Variants in PLCH1 observed in about 807,000 individuals in gnomAD.
PLCH1 encodes phospholipase C eta 1.
Under a neutral mutation model 126.7 loss-of-function variants are expected in PLCH1, and 60 were observed. That is an observed-to-expected ratio of 0.47 (90% CI 0.38 to 0.59). The LOEUF is 0.59. Among genes scored for constraint, PLCH1 ranks in the 20% least tolerant of loss-of-function variants. PLCH1 has a pLI of 0.00. For missense variants in PLCH1, 1,723 were observed against 2,040.0 expected (o/e 0.84, Z 2.99); for synonymous variants, 719 against 734.9 (o/e 0.98, Z 0.35).
At chr3:155,694,721 A>G (rs749438994) in intron 2 of PLCH1, among the ~76,000 whole-genome samples, 2 of 152,160 alleles carry the variant, frequency 1.3e-5, no homozygotes, top group Non-Finnish European at 2.9e-5. Flanking sequence ...CTACCCAGAG[A>G]GGTGTTTACT....
chr3:155,583,344 T>G, intron 6 of PLCH1, 128 bp downstream of exon 6: 1 of 688,712 alleles, frequency 1.5e-6, no homozygotes, highest in African/African-American at 1.9e-5. Context: ...ATAGATAAGA[T>G]TTTTGTGAAC....
At chr3:155,733,368 A>T (rs1748913118) in intron 1 of PLCH1, among the ~76,000 whole-genome samples, 1 of 152,210 alleles carries the variant, frequency 6.6e-6, no homozygotes, top group African/African-American at 2.4e-5. Flanking sequence ...GCATAAAAAC[A>T]GACACAGAGA....
At position 155,580,187 on chromosome 3, in the gene PLCH1, C is replaced by A. The variant is rs568497790; in HGVS notation, c.771+3285G>T. 2.0e-5 allele frequency among the ~76,000 whole-genome samples: 3 copies of A among 152,168 alleles called. No homozygotes were observed. In the East Asian group the frequency reaches 5.8e-4, roughly 29 times the overall value. On this transcript the variant is annotated intron_variant, in intron 6 of 22. Transcript: ENST00000460012. Reference sequence around the variant, plus strand: ...CTGTTTTGTTAATTATAAACTGAAACAAATCTTTTATATAGCATTATGGAG... The same window carrying A: ...CTGTTTTGTTAATTATAAACTGAAAAAAATCTTTTATATAGCATTATGGAG...
chr3:155,473,106 G>C (rs1479355886), intron 21 of PLCH1, among the ~76,000 whole-genome samples: 2 of 145,636 alleles, frequency 1.4e-5, no homozygotes, highest in South Asian at 4.7e-4. Context: ...AGGAAATAAA[G>C]GGTATTCAAT....
intron 2 of PLCH1, among the ~76,000 whole-genome samples, chr3:155,674,677 G>A (rs1270572578): frequency 6.6e-6 from 1 of 151,954 alleles, no homozygotes; most frequent in Non-Finnish European, 1.5e-5. Context: ...AAAAATCTCT[G>A]GTAAGACATC....
At chr3:155,656,524 T>G (rs1381228568) in intron 2 of PLCH1, among the ~76,000 whole-genome samples, 3 of 152,206 alleles carry the variant, frequency 2.0e-5, no homozygotes, top group Non-Finnish European at 4.4e-5. Context: ...ATTCACCATT[T>G]CACCAGATAT....
intron 21 of PLCH1, among the ~76,000 whole-genome samples, chr3:155,454,150 T>C (rs373264650): frequency 2.0e-5 from 3 of 152,304 alleles, no homozygotes; most frequent in East Asian, 3.9e-4. Flanking sequence ...ATAATCTTCA[T>C]GTTATTGAGC....
rs1339569480 is a variant in PLCH1 at position 155,492,811 on chromosome 3, G to A, written c.2225C>T (p.Pro742Leu). ...PFSGDPLPANPKKQLILKVIS... is the reference protein window; with the variant it reads ...PFSGDPLPANLKKQLILKVIS... ...AACTTTCAGGATGAGCTGCTTTTTG[G>A]GGTTGGCAGGAAGAGGGTCACCAGA... Residue 742 changes from proline (P) to leucine (L), a missense_variant, in exon 18 of 23, where the codon CCC (proline) becomes CTC (leucine). Coordinates refer to ENST00000460012, the MANE Select transcript of PLCH1 (RefSeq NM_014996.4). The A allele has an allele frequency of 6.2e-7, 1 of 1,604,552 alleles. No homozygotes were observed. The highest frequency in any genetic ancestry group is 8.5e-7 in the Non-Finnish European group (1 of 1,175,980).
rs558643885 is a variant in PLCH1, at chr3:155,734,896, T to A, written c.-41+9944A>T. Among the ~76,000 whole-genome samples the A allele has an allele frequency of 7.9e-5, 12 of 152,048 alleles. No homozygotes were observed. The South Asian group carries it at 8.3e-4, about 11-fold the overall frequency. On this transcript the variant is annotated intron_variant, in intron 1 of 22. Transcript: ENST00000460012. ...GCTAATTTTTTTGTATTTTTAGTAG[T>A]GACGGGGTTTCACCATATTAGCCAG...
At chr3:155,542,151 C>A (rs1327646578) in intron 10 of PLCH1, among the ~76,000 whole-genome samples, 1 of 152,286 alleles carries the variant, frequency 6.6e-6, no homozygotes, top group East Asian at 1.9e-4. Context: ...GGGTGACAGA[C>A]GGCACCTGGA....
At chr3:155,743,360 CG>C (rs1176592501) in intron 1 of PLCH1, 1 of 389,662 alleles carries the variant, frequency 2.6e-6, no homozygotes, top group Non-Finnish European at 5.0e-6. Context: ...GGTGAAACCC[CG>C]TCTCTACTAA....
intron 2 of PLCH1, among the ~76,000 whole-genome samples, chr3:155,615,086 A>C (rs960805949): frequency 1.3e-5 from 2 of 152,198 alleles, no homozygotes; most frequent in African/African-American, 4.8e-5. Context: ...ACAAATCAGC[A>C]AGAAAAAAAC....
At chr3:155,692,212 C>T (rs1414725710) in intron 2 of PLCH1, among the ~76,000 whole-genome samples, 1 of 152,120 alleles carries the variant, frequency 6.6e-6, no homozygotes, top group East Asian at 1.9e-4. Flanking sequence ...ATATGAAGGT[C>T]AGCATATCAC....
At chr3:155,470,608 C>A (rs574214379) in intron 21 of PLCH1, among the ~76,000 whole-genome samples, 1 of 152,174 alleles carries the variant, frequency 6.6e-6, no homozygotes, top group South Asian at 2.1e-4. Context: ...AAGAGCAACT[C>A]CAAGACACAT....
chr3:155,729,836 A>G (rs1748625411), intron 1 of PLCH1, among the ~76,000 whole-genome samples: 1 of 151,394 alleles, frequency 6.6e-6, no homozygotes, highest in Non-Finnish European at 1.5e-5. Context: ...GAGTGGGAGG[A>G]TCACTTGAGC....
At chr3:155,469,119 G>A (rs560938445) in intron 21 of PLCH1, among the ~76,000 whole-genome samples, 1 of 152,192 alleles carries the variant, frequency 6.6e-6, no homozygotes, top group Non-Finnish European at 1.5e-5. Flanking sequence ...CTCCCAACGT[G>A]AGCGACGCAG....
At chr3:155,615,679 C>T (rs1021634775) in intron 2 of PLCH1, among the ~76,000 whole-genome samples, 1 of 152,032 alleles carries the variant, frequency 6.6e-6, no homozygotes, top group Admixed American at 6.6e-5. Context: ...AAAAACCAAA[C>T]ATTATATGTT....
At chr3:155,611,131 G>A (rs761715659) in intron 2 of PLCH1, among the ~76,000 whole-genome samples, 4 of 152,136 alleles carry the variant, frequency 2.6e-5, no homozygotes, top group African/African-American at 4.8e-5. Flanking sequence ...GGCCAGGCAC[G>A]GCTCACACCT....
chr3:155,549,148 G>C (rs1725772927), intron 10 of PLCH1, among the ~76,000 whole-genome samples: 4 of 152,284 alleles, frequency 2.6e-5, no homozygotes, highest in Middle Eastern at 6.8e-3. Context: ...TCTGAAAACT[G>C]AAAGAACTGT....
Sources: allele counts gnomAD v4.1 joint callset (sites outside exome capture counted in the v4.1 genomes callset), GRCh38; gene constraint gnomAD v4.1.1; transcripts MANE v1.5; gene names NCBI Gene and HGNC (gene_info 2026-07-23, HGNC 2026-07-21).